Variants in ARHGEF37 observed in about 807,000 individuals in gnomAD.
ARHGEF37 encodes Rho guanine nucleotide exchange factor (GEF) 37.
ARHGEF37 carries 55 observed loss-of-function variants against 71.1 expected under a neutral mutation model. That is an observed-to-expected ratio of 0.77 (90% CI 0.62 to 0.97). ARHGEF37 has a LOEUF of 0.97. Among genes scored for constraint, ARHGEF37 ranks in the 50% least tolerant of loss-of-function variants. The pLI is 0.00. For missense variants in ARHGEF37, 765 were observed against 836.8 expected (o/e 0.91, Z 1.06); for synonymous variants, 327 against 350.6 (o/e 0.93, Z 0.75).
intron 7 of ARHGEF37, 81 bp downstream of exon 7, chr5:149,619,123 G>C (rs778432032): frequency 2.8e-5 from 33 of 1,161,452 alleles, no homozygotes; most frequent in Non-Finnish European, 4.1e-5. Context: ...CAGCCTACAA[G>C]CTGGGAAAGG....
At chr5:149,611,496 A>G (rs186462388) in intron 4 of ARHGEF37, among the ~76,000 whole-genome samples, 113 of 152,358 alleles carry the variant, frequency 7.4e-4, no homozygotes, top group Non-Finnish European at 1.4e-3. Flanking sequence ...GCTGCTGTTT[A>G]TTACATCCTC....
At chr5:149,607,452 C>T (rs530283131) in intron 3 of ARHGEF37, among the ~76,000 whole-genome samples, 8 of 152,292 alleles carry the variant, frequency 5.3e-5, no homozygotes, top group African/African-American at 1.7e-4. Context: ...AAGTACATCC[C>T]CCACCATTTT....
In ARHGEF37 at chr5:149,628,967, G is replaced by T. The variant is rs1312543631; in HGVS notation, c.1818+1G>T. The T allele has an allele frequency of 1.2e-6, 2 of 1,611,784 alleles. No individual in the cohort carries two copies. Among genetic ancestry groups the T allele is most frequent in the Non-Finnish European group, 1.7e-6 (2 of 1,179,680 alleles). ...GCCCTCTATTCCCACCATGAACCAG[G>T]TGAGTATAGGAGAGGGCTGGGGGCT... On this transcript the variant is annotated splice_donor_variant, in intron 12 of 12. Transcript: ENST00000333677. LOFTEE classifies it high-confidence loss of function.
Position 149,572,917 on chromosome 5 carries a change from T to C in ARHGEF37, c.-12+20794T>C, listed in dbSNP as rs539828389. 2.6e-5 allele frequency among the ~76,000 whole-genome samples: 4 copies of C among 152,246 alleles called. No individual in the cohort carries two copies. In the South Asian group the frequency reaches 8.3e-4, roughly 32 times the overall value. ...CTATGAAAGAATACCTAAGACTAGG[T>C]AATTTATTTTAAAAAAAAATTTATT... On this transcript the variant is annotated intron_variant, in intron 1 of 2. Transcript: ENST00000505810.
intron 1 of ARHGEF37, among the ~76,000 whole-genome samples, chr5:149,567,024 TATTG>T (rs1390351229): frequency 1.3e-5 from 2 of 152,254 alleles, no homozygotes; most frequent in African/African-American, 4.8e-5. Flanking sequence ...ATTCAGATTT[TATTG>T]ATTGTCTCAA....
At chr5:149,556,257 G>A (rs557591704) in intron 1 of ARHGEF37, among the ~76,000 whole-genome samples, 26 of 152,122 alleles carry the variant, frequency 1.7e-4, no homozygotes, top group Admixed American at 3.3e-4. Flanking sequence ...ACAGTGGCGC[G>A]ATCTCAGCTC....
intron 1 of ARHGEF37, among the ~76,000 whole-genome samples, chr5:149,570,238 T>C (rs1449292290): frequency 6.6e-6 from 1 of 152,204 alleles, no homozygotes; most frequent in African/African-American, 2.4e-5. Context: ...TAGTTATATG[T>C]CTCTATACTA....
intron 1 of ARHGEF37, among the ~76,000 whole-genome samples, chr5:149,590,395 C>A (rs925593483): frequency 6.6e-6 from 1 of 151,202 alleles, no homozygotes; most frequent in Non-Finnish European, 1.5e-5. Flanking sequence ...AATTCACCTA[C>A]CTCAGCCTCC....
Position 149,598,268 on chromosome 5 carries a change from CTTCTTCT to C in ARHGEF37, c.186+315_186+321del, listed in dbSNP as rs1561794483. ...GAACAGATTGCTTAAACTGACTCTT[CTTCTTCT>C]TCTTCTTCTTCTTCTTCTTCTTCTT... On this transcript the variant is annotated intron_variant, in intron 2 of 12. Transcript: ENST00000333677. Among the ~76,000 whole-genome samples the C allele has an allele frequency of 2.6e-3, 306 of 119,410 alleles. 1 individual carries two copies. Among genetic ancestry groups the C allele is most frequent in the African/African-American group, 8.0e-3 (202 of 25,294 alleles). 78.3% of individuals were successfully genotyped at this position (119,410 alleles called of 152,430 possible).
intron 3 of ARHGEF37, among the ~76,000 whole-genome samples, chr5:149,602,313 C>A (rs1763780883): frequency 6.6e-6 from 1 of 152,098 alleles, no homozygotes; most frequent in Non-Finnish European, 1.5e-5. Context: ...CCTTGGCCTC[C>A]CAAGGTGCTG....
intron 1 of ARHGEF37, among the ~76,000 whole-genome samples, chr5:149,587,231 G>C (rs1412986853): frequency 6.6e-6 from 1 of 151,984 alleles, no homozygotes; most frequent in East Asian, 1.9e-4. Flanking sequence ...TCTCAGTAAG[G>C]CTCTGATATA....
intron 10 of ARHGEF37, 127 bp downstream of exon 10, chr5:149,624,267 GTTCTC>G: frequency 7.7e-7 from 1 of 1,297,818 alleles, no homozygotes; most frequent in Non-Finnish European, 1.0e-6. Flanking sequence ...ATGGAAATAT[GTTCTC>G]TTCTCTCTCC....
In ARHGEF37 at chr5:149,633,756, C is replaced by T. The variant is rs1752956176; in HGVS notation, c.*1565C>T. ...AACCATAGTGCCTAAGCAGTGAGCT[C>T]TGGTTTTTGAAGGGCTTTTAAGAAA... On this transcript the variant is annotated 3_prime_UTR_variant, in exon 13 of 13. Transcript: ENST00000333677. 6.6e-6 allele frequency: 1 copy of T among 152,188 alleles called. No homozygotes were observed. The highest frequency in any genetic ancestry group is 2.4e-5 in the African/African-American group (1 of 41,428). The allele number at this position is 152,188 out of a possible 1,614,324, so 9.4% of individuals were successfully genotyped here.
chr5:149,619,303 C>T (rs1752468207), intron 7 of ARHGEF37, among the ~76,000 whole-genome samples: 2 of 152,202 alleles, frequency 1.3e-5, no homozygotes, highest in African/African-American at 4.8e-5. Flanking sequence ...CGCAGAGCAA[C>T]TCTGCCAGAC....
intron 1 of ARHGEF37, among the ~76,000 whole-genome samples, chr5:149,563,357 C>T (rs1762860311): frequency 6.6e-6 from 1 of 152,202 alleles, no homozygotes. Flanking sequence ...TGTGTGTGTT[C>T]TGTAGGCCAG....
upstream of ARHGEF37, among the ~76,000 whole-genome samples, chr5:149,580,284 C>T (rs1763081830): frequency 6.6e-6 from 1 of 151,830 alleles, no homozygotes; most frequent in Non-Finnish European, 1.5e-5. Flanking sequence ...TGGTCTCGAT[C>T]TCTTGACCTC....
intron 4 of ARHGEF37, among the ~76,000 whole-genome samples, chr5:149,613,022 G>C (rs765040080): frequency 6.6e-6 from 1 of 152,222 alleles, no homozygotes; most frequent in Admixed American, 6.5e-5. Flanking sequence ...CCTAATGGTA[G>C]AGCTGTCAGG....
At chr5:149,601,032 G>C in intron 2 of ARHGEF37, 76 bp from the exon 3 acceptor site, 1 of 1,514,774 alleles carries the variant, frequency 6.6e-7, no homozygotes, top group Non-Finnish European at 9.0e-7. Flanking sequence ...TGAGTGTTCT[G>C]TCCTACTCTC....
chr5:149,572,746 C>A (rs1762982494), intron 1 of ARHGEF37, among the ~76,000 whole-genome samples: 1 of 152,124 alleles, frequency 6.6e-6, no homozygotes, highest in African/African-American at 2.4e-5. Context: ...CTTAGGAGAA[C>A]AAAGACTGAC....
Sources: allele counts gnomAD v4.1 joint callset (sites outside exome capture counted in the v4.1 genomes callset), GRCh38; gene constraint gnomAD v4.1.1; transcripts MANE v1.5; gene names NCBI Gene and HGNC (gene_info 2026-07-23, HGNC 2026-07-21).